Variants in GNAI1 observed in about 807,000 individuals in gnomAD.
The protein encoded by GNAI1 is guanine nucleotide-binding protein G(i) subunit alpha-1.
A neutral mutation model predicts 38.9 loss-of-function variants in GNAI1; 11 were observed. That is an observed-to-expected ratio of 0.28 (90% confidence interval 0.18 to 0.47). The LOEUF (loss-of-function observed/expected upper bound fraction) is 0.47. Ranked by LOEUF, GNAI1 falls within the 20% of genes least tolerant of loss-of-function variation. The pLI, the probability that GNAI1 is intolerant of heterozygous loss-of-function variation, is 0.99. For synonymous variants in GNAI1, 166 were observed against 145.1 expected, an observed-to-expected ratio of 1.14 and a Z score of -1.04; for missense variants, 317 against 436.9, an observed-to-expected ratio of 0.73 and a Z score of 2.45.
chr7:80,162,669 G>A (rs1787944863), intron 1 of GNAI1, among the ~76,000 whole-genome samples: 1 of 152,170 alleles, frequency 6.6e-6, no homozygotes, highest in Non-Finnish European at 1.5e-5. Context: ...CCCTCCTTGG[G>A]TTGAAGGCAT....
At chr7:80,181,313 C>T (rs1272381814) in intron 1 of GNAI1, among the ~76,000 whole-genome samples, 3 of 152,154 alleles carry the variant, frequency 2.0e-5, no homozygotes, top group African/African-American at 7.2e-5. Flanking sequence ...CAACATTTAA[C>T]ATTTGCTTAA....
rs1788996692 is a variant in GNAI1 at position 80,217,625 on chromosome 7, TTC to T, written c.*134_*135del. The stretch of plus-strand genomic sequence containing the variant: ...TGCATCTGGGACTTGACCAAAGTTG[TTC>T]TGTTTTGTTTTTTTAACTGAAAGTA... On this transcript the variant is annotated 3_prime_UTR_variant, in exon 8 of 8. Coordinates refer to ENST00000649796, the MANE Select transcript of GNAI1 (RefSeq NM_002069.6). 4.1e-6 allele frequency: 2 copies of T among 488,328 alleles called. No individual in the cohort carries two copies. The highest frequency in any genetic ancestry group is 7.2e-6 in the Non-Finnish European group (2 of 279,484). The allele number at this position is 488,328 out of a possible 1,614,324, so 30.2% of individuals were successfully genotyped here.
At position 80,134,865 on chromosome 7, in the gene GNAI1, C is replaced by A. The variant is rs1227328125; in HGVS notation, c.-296C>A. The A allele has an allele frequency of 3.1e-5, 7 of 227,702 alleles. No individual in the cohort carries two copies. The highest frequency in any genetic ancestry group is 5.1e-5 in the Non-Finnish European group (6 of 117,566). The allele number at this position is 227,702 out of a possible 1,614,324, so 14.1% of individuals were successfully genotyped here. On this transcript the variant is annotated 5_prime_UTR_variant, in exon 1 of 8. Coordinates refer to ENST00000649796, the MANE Select transcript of GNAI1 (RefSeq NM_002069.6). ...TGGGCTTGGCGAGGCTGCGGCGCGG[C>A]CACCGGCGGGAGTGCAGCGGCCACT...
At chr7:80,215,561 C>T (rs1295634040) in intron 7 of GNAI1, among the ~76,000 whole-genome samples, 2 of 152,168 alleles carry the variant, frequency 1.3e-5, no homozygotes, top group Non-Finnish European at 2.9e-5. Context: ...TAGCACATTA[C>T]ACAACATTCC....
rs2115751431 is a variant in GNAI1, at chr7:80,225,368, G to GA, written c.*7879dup. ...GGGGAGTTGACCCTTCAAGATACTG[G>GA]AAAATTATTAAATCCAGTTTACAGA... On this transcript the variant is annotated 3_prime_UTR_variant, in exon 8 of 8. Coordinates refer to ENST00000649796, the MANE Select transcript of GNAI1 (RefSeq NM_002069.6). Among the ~76,000 whole-genome samples, 1 of 152,180 alleles carries GA rather than the reference G, an allele frequency of 6.6e-6. No homozygotes were observed. Among genetic ancestry groups the GA allele is most frequent in the East Asian group, 1.9e-4 (1 of 5,182 alleles).
chr7:80,167,847 T>C (rs1267735328), intron 1 of GNAI1, among the ~76,000 whole-genome samples: 1 of 152,206 alleles, frequency 6.6e-6, no homozygotes, highest in Non-Finnish European at 1.5e-5. Flanking sequence ...TCAACACATA[T>C]CAAAATCATG....
At chr7:80,167,089 A>G (rs60660263) in intron 1 of GNAI1, among the ~76,000 whole-genome samples, 15,177 of 152,206 alleles carry the variant, frequency 0.1, 809 homozygotes, top group African/African-American at 0.11. Context: ...GTCACCTGAG[A>G]ACCATTGGTG....
At chr7:80,207,520 G>A (rs763616810) in intron 5 of GNAI1, among the ~76,000 whole-genome samples, 1 of 152,094 alleles carries the variant, frequency 6.6e-6, no homozygotes, top group African/African-American at 2.4e-5. Flanking sequence ...ACACACGTTT[G>A]TCAGGAACCT....
At chr7:80,181,136 T>C (rs1584032147) in intron 1 of GNAI1, among the ~76,000 whole-genome samples, 1 of 152,138 alleles carries the variant, frequency 6.6e-6, no homozygotes, top group East Asian at 1.9e-4. Context: ...ATATATCTTA[T>C]ATTGTAAAAT....
chr7:80,212,785 A>G lies in GNAI1; in HGVS notation c.790A>G (p.Ile264Val). 6.3e-7 allele frequency: 1 copy of G among 1,576,948 alleles called. No homozygotes were observed. Among genetic ancestry groups the G allele is most frequent in the Non-Finnish European group, 8.6e-7 (1 of 1,160,778 alleles). Residue 264 changes from isoleucine (I) to valine (V), a missense_variant, in exon 7 of 8, where the codon ATT becomes GTT. By Grantham distance (29) the Ile-to-Val change is conservative. Transcript: ENST00000649796. ...CNNKWFTDTS[I>V]ILFLNKKDLF... ...CAACAAGTGGTTTACAGATACATCC[A>G]TTATACTTTTTCTAAACAAGAAGGA...
intron 5 of GNAI1, 131 bp from the exon 6 acceptor site, chr7:80,210,838 A>G (rs1788860151): frequency 6.6e-6 from 4 of 609,108 alleles, no homozygotes; most frequent in African/African-American, 3.8e-5. Flanking sequence ...TTTCTCCCAT[A>G]AAGTCCTTCT....
intron 1 of GNAI1, among the ~76,000 whole-genome samples, chr7:80,152,171 G>A (rs916907217): frequency 7.9e-5 from 12 of 152,226 alleles, no homozygotes; most frequent in African/African-American, 2.6e-4. Context: ...CTGCTAGTAC[G>A]TGGCCATGCT....
intron 1 of GNAI1, among the ~76,000 whole-genome samples, chr7:80,183,974 A>G (rs1788345432): frequency 6.6e-6 from 1 of 151,956 alleles, no homozygotes; most frequent in Non-Finnish European, 1.5e-5. Context: ...TGTTAATGTG[A>G]TGGTGCTCCT....
chr7:80,211,671 G>C (rs973640880), intron 6 of GNAI1, among the ~76,000 whole-genome samples: 1 of 151,974 alleles, frequency 6.6e-6, no homozygotes, highest in Non-Finnish European at 1.5e-5. Context: ...CACCCATCTC[G>C]GCCTCCCAAA....
intron 5 of GNAI1, among the ~76,000 whole-genome samples, chr7:80,204,531 T>C (rs1222878005): frequency 6.6e-6 from 1 of 152,134 alleles, no homozygotes; most frequent in Non-Finnish European, 1.5e-5. Flanking sequence ...TAAATAACAT[T>C]TTCCAAGGTA....
At chr7:80,150,007 A>G (rs903721519) in intron 1 of GNAI1, among the ~76,000 whole-genome samples, 2 of 152,186 alleles carry the variant, frequency 1.3e-5, no homozygotes, top group Admixed American at 1.3e-4. Context: ...ACCTGTTTTC[A>G]TGGAAGTGCA....
At chr7:80,204,630 T>TG (rs1177732412) in intron 5 of GNAI1, among the ~76,000 whole-genome samples, 4 of 152,188 alleles carry the variant, frequency 2.6e-5, no homozygotes, top group Non-Finnish European at 5.9e-5. Context: ...CCTGGTCAGT[T>TG]AATCTGTTTC....
intron 5 of GNAI1, among the ~76,000 whole-genome samples, chr7:80,210,533 T>C (rs1788854590): frequency 6.6e-6 from 1 of 152,192 alleles, no homozygotes; most frequent in African/African-American, 2.4e-5. Context: ...AGGAGGGGTC[T>C]CTGTTCTCTG....
In GNAI1 at chr7:80,161,717, A is replaced by G. The variant is rs574351116; in HGVS notation, c.118+26439A>G. The stretch of plus-strand genomic sequence containing the variant: ...TTCTAAAGTGGGAGCTCCACAACTC[A>G]AAATACTCTGAATCATAGACTAATA... On this transcript the variant is annotated intron_variant, in intron 1 of 7. Transcript: ENST00000649796. 2.0e-5 allele frequency among the ~76,000 whole-genome samples: 3 copies of G among 152,298 alleles called. No homozygotes were observed. The East Asian group carries it at 5.8e-4, about 29-fold the overall frequency.
Sources: allele counts gnomAD v4.1 joint callset (sites outside exome capture counted in the v4.1 genomes callset), GRCh38; gene constraint gnomAD v4.1.1; transcripts MANE v1.5; gene names NCBI Gene and HGNC (gene_info 2026-07-23, HGNC 2026-07-21).